The following CDR2 variants were observed in gnomAD, a reference collection of about 807,000 sequenced individuals.
CDR2 encodes cerebellar degeneration related protein 2.
CDR2 carries 34 observed loss-of-function variants against 48.4 expected under a neutral mutation model. That is an observed-to-expected ratio of 0.70 (90% CI 0.53 to 0.94). The LOEUF (loss-of-function observed/expected upper bound fraction) is 0.94. Among genes scored for constraint, CDR2 ranks in the 40% least tolerant of loss-of-function variants. The pLI, the probability that CDR2 is intolerant of heterozygous loss-of-function variation, is 0.00. For synonymous variants in CDR2, 240 were observed against 219.7 expected (o/e 1.09, Z -0.82); for missense variants, 498 against 549.5 (o/e 0.91, Z 0.94).
At chr16:22,373,759 G>A (rs1260892528) in intron 1 of CDR2, among the ~76,000 whole-genome samples, 7 of 152,212 alleles carry the variant, frequency 4.6e-5, no homozygotes, top group African/African-American at 1.7e-4. Context: ...TGGAGTTACG[G>A]TGCGGAGCGC....
intron 1 of CDR2, 126 bp downstream of exon 1, chr16:22,374,105 G>A (rs940952652): frequency 2.2e-5 from 13 of 591,706 alleles, no homozygotes; most frequent in East Asian, 3.5e-5. Flanking sequence ...CCAGCCGCCA[G>A]GTGAGCCTGA....
intron 1 of CDR2, among the ~76,000 whole-genome samples, chr16:22,370,686 T>C (rs900283362): frequency 2.6e-5 from 4 of 152,204 alleles, no homozygotes; most frequent in African/African-American, 9.6e-5. Flanking sequence ...TCAAAGAGTT[T>C]TGTAACAGCA....
chr16:22,350,205 A>G (rs1384686905), intron 2 of CDR2, among the ~76,000 whole-genome samples: 1 of 151,688 alleles, frequency 6.6e-6, no homozygotes, highest in African/African-American at 2.4e-5. Context: ...AAAAAAAAAG[A>G]TACCTGCTGT....
intron 1 of CDR2, among the ~76,000 whole-genome samples, chr16:22,372,235 G>A (rs2049083506): frequency 6.6e-6 from 1 of 152,310 alleles, no homozygotes; most frequent in Non-Finnish European, 1.5e-5. Flanking sequence ...AGGTTAAAGA[G>A]AATTCCTCGT....
chr16:22,361,031 G>T (rs1257449189), intron 2 of CDR2, among the ~76,000 whole-genome samples: 1 of 152,102 alleles, frequency 6.6e-6, no homozygotes, highest in Non-Finnish European at 1.5e-5. Flanking sequence ...TTACAGGCGT[G>T]AGCCACTGCG....
chr16:22,369,378 C>G (rs1284935858), intron 1 of CDR2, among the ~76,000 whole-genome samples: 1 of 152,086 alleles, frequency 6.6e-6, no homozygotes, highest in African/African-American at 2.4e-5. Flanking sequence ...CACTTTCATT[C>G]AGTTATGGAA....
At chr16:22,364,849 A>G (rs2049034488) in intron 2 of CDR2, 53 bp downstream of exon 2, 1 of 1,035,498 alleles carries the variant, frequency 9.7e-7, no homozygotes, top group African/African-American at 1.6e-5. Context: ...TGATTGGCAT[A>G]ACAGCAACAC....
intron 2 of CDR2, among the ~76,000 whole-genome samples, chr16:22,362,979 G>A (rs1280149698): frequency 2.0e-5 from 3 of 147,938 alleles, no homozygotes; most frequent in Non-Finnish European, 4.5e-5. Flanking sequence ...TTGAGATGGA[G>A]TCTTGCTCTG....
At chr16:22,373,539 C>T (rs911005640) in intron 1 of CDR2, among the ~76,000 whole-genome samples, 1 of 152,208 alleles carries the variant, frequency 6.6e-6, no homozygotes, top group African/African-American at 2.4e-5. Flanking sequence ...CCGTTTTAAT[C>T]TCCGCTTTCC....
At chr16:22,357,791 C>T (rs930544895) in intron 2 of CDR2, among the ~76,000 whole-genome samples, 1 of 152,130 alleles carries the variant, frequency 6.6e-6, no homozygotes, top group African/African-American at 2.4e-5. Flanking sequence ...ACAAACAGGC[C>T]ATTTAAGAAA....
chr16:22,374,314 G>C lies in CDR2; in HGVS notation c.-5C>G, dbSNP rs1202952124. The C allele has an allele frequency of 1.3e-6, 2 of 1,594,314 alleles. No homozygotes were observed. The highest frequency in any genetic ancestry group is 1.7e-6 in the Non-Finnish European group (2 of 1,170,616). On this transcript the variant is annotated 5_prime_UTR_variant, in exon 1 of 5. Transcript: ENST00000268383. The stretch of plus-strand genomic sequence containing the variant: ...TACCAGGTTTTCCGCCAGCATCTCG[G>C]CTGGGTCTTCTAGGGGCAGCGGCCC...
intron 2 of CDR2, among the ~76,000 whole-genome samples, chr16:22,362,726 A>C (rs2049017975): frequency 6.6e-6 from 1 of 152,192 alleles, no homozygotes; most frequent in African/African-American, 2.4e-5. Flanking sequence ...GAGTTCCTTG[A>C]CCACGTAAAA....
chr16:22,356,959 A>G (rs1280713491), intron 2 of CDR2, among the ~76,000 whole-genome samples: 2 of 150,604 alleles, frequency 1.3e-5, no homozygotes, highest in African/African-American at 2.4e-5. Context: ...AAAAGAAAAA[A>G]AAAAAAAAAA....
rs767698978 is a variant in CDR2 at position 22,349,821 on chromosome 16, C to T, written c.221G>A (p.Arg74Gln). 13 of 1,614,092 alleles carry T rather than the reference C, an allele frequency of 8.1e-6. No individual in the cohort carries two copies. The highest frequency in any genetic ancestry group is 3.3e-5 in the Admixed American group (2 of 60,022). Residue 74 changes from arginine (R) to glutamine (Q), a missense_variant, in exon 3 of 5, where the codon CGG (arginine) becomes CAG (glutamine). Physicochemically the swap from Arg to Gln is conservative, Grantham distance 43. Coordinates refer to ENST00000268383, the MANE Select transcript of CDR2 (RefSeq NM_001802.2). ...CTTTGCATGTTGTTCGTTCATCTGC[C>T]GTAGAAGTTCCACTTGCTTCGTCAG... ...EYLTKQVELL[R>Q]QMNEQHAKVY...
intron 3 of CDR2, 71 bp from the exon 4 acceptor site, chr16:22,349,514 T>A: frequency 1.3e-6 from 2 of 1,562,014 alleles, no homozygotes; most frequent in Non-Finnish European, 1.8e-6. Context: ...GAGGAGAGAT[T>A]AGGTGCAAAC....
Position 22,349,295 on chromosome 16 carries a change from G to A in CDR2, c.490C>T (p.Leu164=). The A allele has an allele frequency of 6.2e-7, 1 of 1,614,188 alleles. No homozygotes were observed. Among genetic ancestry groups the A allele is most frequent in the Non-Finnish European group, 8.5e-7 (1 of 1,180,034 alleles). The change falls in exon 4 of 5, where the codon CTG becomes TTG. Residue 164 remains leucine (L), a synonymous_variant. Coordinates refer to ENST00000268383, the MANE Select transcript of CDR2 (RefSeq NM_001802.2). ...GGCTCTTACTGGCGGAGGTCATACA[G>A]CTCCTTCAGACATGCAAAGCTGGGT... ...PAPSFACLKE[L]YDLRQHFVYD...
intron 1 of CDR2, among the ~76,000 whole-genome samples, chr16:22,369,356 TG>T (rs1221818208): frequency 6.6e-6 from 1 of 151,964 alleles, no homozygotes; most frequent in Non-Finnish European, 1.5e-5. Context: ...CAGACTGTCT[TG>T]AGACTATCAC....
chr16:22,352,686 G>GA lies in CDR2; in HGVS notation c.193-2838dup, dbSNP rs1003111606. On this transcript the variant is annotated intron_variant, in intron 2 of 4. Coordinates refer to ENST00000268383, the MANE Select transcript of CDR2 (RefSeq NM_001802.2). ...AATGAATCTGTTGCAAATTTAAGGGGAAAAAAAAAATCTTGCTTTATAGAG... is the reference window on the plus strand; with the variant it reads ...AATGAATCTGTTGCAAATTTAAGGGGAAAAAAAAAAATCTTGCTTTATAGAG... 5.4e-4 allele frequency among the ~76,000 whole-genome samples: 80 copies of GA among 149,516 alleles called. 1 individual carries two copies. Among genetic ancestry groups the GA allele is most frequent in the East Asian group, 1.8e-3 (9 of 5,138 alleles).
intron 1 of CDR2, 32 bp downstream of exon 1, chr16:22,374,199 G>C (rs759144769): frequency 1.3e-6 from 2 of 1,498,384 alleles, no homozygotes; most frequent in Non-Finnish European, 1.8e-6. Context: ...GGGCCAGGCC[G>C]CCGCCCGCCC....
Sources: allele counts gnomAD v4.1 joint callset (sites outside exome capture counted in the v4.1 genomes callset), GRCh38; gene constraint gnomAD v4.1.1; transcripts MANE v1.5; gene names NCBI Gene and HGNC (gene_info 2026-07-23, HGNC 2026-07-21).